The following ESRRG variants were observed in gnomAD, a reference collection of about 807,000 sequenced individuals.
ESRRG encodes estrogen-related receptor gamma.
In ESRRG, 13 loss-of-function variants were observed where a neutral mutation model predicts 44.0. That is an observed-to-expected ratio of 0.30 (90% CI 0.19 to 0.47). The LOEUF (loss-of-function observed/expected upper bound fraction) is 0.47. Among genes scored for constraint, ESRRG ranks in the 20% least tolerant of loss-of-function variants. The pLI is 1.00. For missense variants in ESRRG, 395 were observed against 580.6 expected, an observed-to-expected ratio of 0.68 and a Z score of 3.29; for synonymous variants, 215 against 214.6, an observed-to-expected ratio of 1.00 and a Z score of -0.02.
rs111313233 is a variant in ESRRG, at chr1:216,595,338, T to A, written c.590-27240A>T. ...TTAGCTCAAAAATGACAGGGCATGA[T>A]ACATATAGAAGTAGGAAACTCCAAC... On this transcript the variant is annotated intron_variant, in intron 3 of 6. Transcript: ENST00000408911. 5.7e-3 allele frequency among the ~76,000 whole-genome samples: 862 copies of A among 152,314 alleles called. 5 individuals carry two copies. The highest frequency in any genetic ancestry group is 0.02 in the African/African-American group (828 of 41,584).
At chr1:216,525,783 A>G (rs1209000503) in intron 5 of ESRRG, among the ~76,000 whole-genome samples, 1 of 152,180 alleles carries the variant, frequency 6.6e-6, no homozygotes, top group Non-Finnish European at 1.5e-5. Context: ...AAAAGGATCT[A>G]TGCTTGAATC....
intron 2 of ESRRG, among the ~76,000 whole-genome samples, chr1:216,877,712 G>A (rs111813675): frequency 2.2e-4 from 34 of 152,088 alleles, no homozygotes; most frequent in African/African-American, 4.1e-4. Flanking sequence ...GCAGATCACC[G>A]CGCCCGGCCT....
chr1:216,597,446 C>A (rs1332915395), intron 3 of ESRRG, among the ~76,000 whole-genome samples: 2 of 152,164 alleles, frequency 1.3e-5, no homozygotes, highest in Non-Finnish European at 2.9e-5. Flanking sequence ...AAGGATATTT[C>A]AGTCACAGAG....
chr1:217,120,552 C>T (rs2092805686), intron 1 of ESRRG, among the ~76,000 whole-genome samples: 1 of 151,992 alleles, frequency 6.6e-6, no homozygotes, highest in South Asian at 2.1e-4. Context: ...ATCTCCTTAA[C>T]ATGACTTATG....
At chr1:216,561,115 G>C (rs1189080679) in intron 5 of ESRRG, among the ~76,000 whole-genome samples, 1 of 151,982 alleles carries the variant, frequency 6.6e-6, no homozygotes, top group Non-Finnish European at 1.5e-5. Flanking sequence ...ATTAATGTAA[G>C]TCAACTAATT....
chr1:216,855,551 CT>C (rs1399317480), intron 2 of ESRRG, among the ~76,000 whole-genome samples: 1 of 152,124 alleles, frequency 6.6e-6, no homozygotes, highest in Non-Finnish European at 1.5e-5. Flanking sequence ...AAACAAAATG[CT>C]TTTTGAATTT....
intron 1 of ESRRG, among the ~76,000 whole-genome samples, chr1:216,951,907 T>C (rs1323320428): frequency 6.7e-6 from 1 of 148,462 alleles, no homozygotes; most frequent in African/African-American, 2.5e-5. Flanking sequence ...ATATATATAA[T>C]ATATACATAA....
chr1:217,040,785 T>A (rs1484384782), intron 1 of ESRRG, among the ~76,000 whole-genome samples: 1 of 152,090 alleles, frequency 6.6e-6, no homozygotes, highest in African/African-American at 2.4e-5. Context: ...ACCAAACCAA[T>A]TTGTCTCCAA....
chr1:216,922,740 C>G (rs2061996504), intron 2 of ESRRG, among the ~76,000 whole-genome samples: 1 of 152,156 alleles, frequency 6.6e-6, no homozygotes, highest in African/African-American at 2.4e-5. Flanking sequence ...TAACCACTTT[C>G]TAATGAACCA....
chr1:216,736,071 AC>A (rs199605411), intron 2 of ESRRG, among the ~76,000 whole-genome samples: 5 of 145,894 alleles, frequency 3.4e-5, no homozygotes, highest in Admixed American at 1.4e-4. Flanking sequence ...AAAGATGAGA[AC>A]AGGGGGGGAG....
chr1:216,894,346 T>A (rs535269264), intron 2 of ESRRG, among the ~76,000 whole-genome samples: 1 of 152,286 alleles, frequency 6.6e-6, no homozygotes, highest in Non-Finnish European at 1.5e-5. Context: ...TGGTCATAAC[T>A]CCCTGAGTCA....
intron 2 of ESRRG, among the ~76,000 whole-genome samples, chr1:216,793,962 T>C (rs1177679417): frequency 5.8e-5 from 5 of 85,606 alleles, no homozygotes; most frequent in Non-Finnish European, 7.7e-5. Context: ...ACTAAGGATT[T>C]TTTTTTTTTT....
At chr1:216,658,912 AG>A (rs1220485762) in intron 2 of ESRRG, among the ~76,000 whole-genome samples, 11 of 151,166 alleles carry the variant, frequency 7.3e-5, no homozygotes, top group African/African-American at 2.4e-4. Context: ...AGAGAAGAGA[AG>A]AGAAATAAAG....
At chr1:216,713,968 C>G (rs1339872903) in intron 1 of ESRRG, among the ~76,000 whole-genome samples, 6 of 152,174 alleles carry the variant, frequency 3.9e-5, no homozygotes, top group Non-Finnish European at 8.8e-5. Context: ...TACTGCTCCT[C>G]TCTCTTTCTG....
chr1:216,569,113 A>AAGGAAGGAAGG (rs2060240502), intron 3 of ESRRG, among the ~76,000 whole-genome samples: 3 of 107,014 alleles, frequency 2.8e-5, no homozygotes, highest in African/African-American at 1.1e-4. Flanking sequence ...AGGAAGGAAG[A>AAGGAAGGAAGG]AGGAAGGAAG....
upstream of ESRRG, among the ~76,000 whole-genome samples, chr1:217,091,335 C>T (rs77325581): frequency 2.1e-3 from 324 of 152,152 alleles, no homozygotes; most frequent in African/African-American, 7.3e-3. Flanking sequence ...AAAGCACAGC[C>T]GATTGAGAGA....
At chr1:216,644,975 T>C (rs1395913353) in intron 3 of ESRRG, among the ~76,000 whole-genome samples, 1 of 152,160 alleles carries the variant, frequency 6.6e-6, no homozygotes, top group African/African-American at 2.4e-5. Flanking sequence ...ATCACAGCAA[T>C]CTGTGTTGAG....
chr1:217,027,970 T>G (rs188091046), intron 1 of ESRRG, among the ~76,000 whole-genome samples: 1 of 152,320 alleles, frequency 6.6e-6, no homozygotes, highest in East Asian at 1.9e-4. Flanking sequence ...CTAACAGGGT[T>G]AGAAAAGAGA....
chr1:216,861,843 A>G (rs1269884145), intron 2 of ESRRG, among the ~76,000 whole-genome samples: 2 of 152,184 alleles, frequency 1.3e-5, no homozygotes, highest in Non-Finnish European at 2.9e-5. Context: ...TCAAAACTCA[A>G]TAACAAGAAA....
Sources: allele counts gnomAD v4.1 joint callset (sites outside exome capture counted in the v4.1 genomes callset), GRCh38; gene constraint gnomAD v4.1.1; transcripts MANE v1.5; gene names NCBI Gene and HGNC (gene_info 2026-07-23, HGNC 2026-07-21).